SLC39A8: variants seen among roughly 807,000 people sequenced by gnomAD.
SLC39A8 encodes the protein metal cation symporter ZIP8.
Under a neutral mutation model 40.4 loss-of-function variants are expected in SLC39A8, and 15 were observed. That is an observed-to-expected ratio of 0.37 (90% confidence interval 0.25 to 0.57). SLC39A8 has a LOEUF of 0.57. Among genes scored for constraint, SLC39A8 ranks in the 20% least tolerant of loss-of-function variants. The probability of loss-of-function intolerance (pLI) is 0.75; values close to 1 mark genes in which losing one functional copy is unlikely to be tolerated. For missense variants in SLC39A8, 472 were observed against 558.8 expected (o/e 0.84, Z 1.57); for synonymous variants, 223 against 221.6 (o/e 1.01, Z -0.06).
At chr4:102,324,093 A>C (rs1370674604) in intron 2 of SLC39A8, among the ~76,000 whole-genome samples, 2 of 152,170 alleles carry the variant, frequency 1.3e-5, no homozygotes, top group Non-Finnish European at 2.9e-5. Context: ...TTGTACTTAC[A>C]TTTATACAAA....
At chr4:102,260,333 A>G (rs751823660), downstream of SLC39A8, among the ~76,000 whole-genome samples, 1 of 152,220 alleles carries the variant, frequency 6.6e-6, no homozygotes, top group East Asian at 1.9e-4. Flanking sequence ...GCTAAAAGCA[A>G]TGTTTCTCAG....
intron 3 of SLC39A8, among the ~76,000 whole-genome samples, chr4:102,312,488 T>C (rs1039981071): frequency 2.6e-5 from 4 of 152,270 alleles, no homozygotes; most frequent in South Asian, 4.1e-4. Context: ...TCCTGGTTCC[T>C]GAAACAGAGT....
intron 6 of SLC39A8, among the ~76,000 whole-genome samples, chr4:102,291,101 T>G (rs1578580547): frequency 6.6e-6 from 1 of 151,886 alleles, no homozygotes; most frequent in East Asian, 1.9e-4. Context: ...ACTGAACTGC[T>G]CTTCTCCCTC....
chr4:102,317,676 C>T (rs928288498), intron 2 of SLC39A8, among the ~76,000 whole-genome samples: 9 of 152,126 alleles, frequency 5.9e-5, no homozygotes, highest in African/African-American at 2.2e-4. Flanking sequence ...GGTGTGATAG[C>T]ACATGATAGC....
At chr4:102,295,680 C>A (rs1416058382) in intron 6 of SLC39A8, among the ~76,000 whole-genome samples, 1 of 151,996 alleles carries the variant, frequency 6.6e-6, no homozygotes, top group African/African-American at 2.4e-5. Flanking sequence ...CAGGCATGAG[C>A]CAACAGTGCC....
chr4:102,282,229 A>T (rs1283136407), intron 6 of SLC39A8, among the ~76,000 whole-genome samples: 1 of 152,210 alleles, frequency 6.6e-6, no homozygotes. Flanking sequence ...CCCAGAATGT[A>T]GTAGCACTGT....
chr4:102,277,310 T>C (rs928197512), intron 6 of SLC39A8, among the ~76,000 whole-genome samples: 1 of 152,188 alleles, frequency 6.6e-6, no homozygotes, highest in African/African-American at 2.4e-5. Context: ...ATAAAATCAA[T>C]GTGCTAAAAT....
chr4:102,311,704 A>AT (rs904405871), intron 3 of SLC39A8, among the ~76,000 whole-genome samples: 6 of 152,120 alleles, frequency 3.9e-5, no homozygotes, highest in Non-Finnish European at 5.9e-5. Flanking sequence ...CATCAATATC[A>AT]TTTTATAAAG....
chr4:102,324,062 A>G (rs1326986240), intron 2 of SLC39A8, among the ~76,000 whole-genome samples: 1 of 152,162 alleles, frequency 6.6e-6, no homozygotes, highest in Admixed American at 6.5e-5. Flanking sequence ...TACCCAATAT[A>G]TTCATGTAAC....
intron 2 of SLC39A8, among the ~76,000 whole-genome samples, chr4:102,336,983 C>T (rs2149054966): frequency 6.6e-6 from 1 of 152,096 alleles, no homozygotes; most frequent in South Asian, 2.1e-4. Flanking sequence ...AAATAAATTG[C>T]ATTGTAAATG....
chr4:102,287,369 A>C (rs1229746551), intron 6 of SLC39A8, among the ~76,000 whole-genome samples: 1 of 152,140 alleles, frequency 6.6e-6, no homozygotes, highest in African/African-American at 2.4e-5. Context: ...AAAATGACAA[A>C]TGTTTAAAAA....
At chr4:102,332,901 C>A (rs2149052365) in intron 2 of SLC39A8, among the ~76,000 whole-genome samples, 1 of 152,278 alleles carries the variant, frequency 6.6e-6, no homozygotes, top group African/African-American at 2.4e-5. Flanking sequence ...TCATCCTCAG[C>A]AAACTAACAC....
intron 2 of SLC39A8, among the ~76,000 whole-genome samples, chr4:102,326,386 C>T (rs1420585891): frequency 5.3e-5 from 8 of 152,202 alleles, no homozygotes; most frequent in African/African-American, 1.9e-4. Context: ...ACGGTGAAAC[C>T]CCGTCTCTAC....
chr4:102,326,473 A>G (rs1735207844), intron 2 of SLC39A8, among the ~76,000 whole-genome samples: 1 of 152,180 alleles, frequency 6.6e-6, no homozygotes, highest in Non-Finnish European at 1.5e-5. Context: ...AGGTCTGAGA[A>G]TGGGGTGCAC....
intron 2 of SLC39A8, 147 bp downstream of exon 2, chr4:102,344,297 G>C: frequency 1.7e-6 from 1 of 580,588 alleles, no homozygotes; most frequent in Non-Finnish European, 2.8e-6. Context: ...CTAGTGAAAA[G>C]CAAGTGTCAC....
chr4:102,324,887 A>G (rs894018908), intron 2 of SLC39A8, among the ~76,000 whole-genome samples: 4 of 152,142 alleles, frequency 2.6e-5, no homozygotes, highest in Non-Finnish European at 5.9e-5. Context: ...CCATTAATTT[A>G]TCCTTTTAGG....
Position 102,315,663 on chromosome 4 carries a change from T to C in SLC39A8, c.382+5A>G. ...AATAAAAGAGAAAAAATGCTTCTAA[T>C]ATACCTTCTGAATGACTTGGTCTTG... On this transcript the variant is annotated splice_donor_5th_base_variant and intron_variant, in intron 3 of 8. Transcript: ENST00000356736. 1 of 1,599,506 alleles carries C rather than the reference T, an allele frequency of 6.3e-7. No individual in the cohort carries two copies. Among genetic ancestry groups the C allele is most frequent in the Non-Finnish European group, 8.5e-7 (1 of 1,173,954 alleles).
chr4:102,285,571 C>G (rs574489167), intron 6 of SLC39A8, among the ~76,000 whole-genome samples: 3 of 151,404 alleles, frequency 2.0e-5, no homozygotes, highest in African/African-American at 4.9e-5. Context: ...GGAAATTTAC[C>G]TCAGACACAA....
intron 3 of SLC39A8, among the ~76,000 whole-genome samples, chr4:102,314,536 CT>C (rs1297909363): frequency 6.6e-6 from 1 of 152,112 alleles, no homozygotes; most frequent in African/African-American, 2.4e-5. Flanking sequence ...ATCCTTCTAC[CT>C]TCCCCACCAA....
Sources: gnomAD v4.1 joint callset for allele counts (sites outside exome capture counted in the v4.1 genomes callset) on GRCh38, gnomAD v4.1.1 for gene constraint, MANE v1.5 for transcripts, NCBI Gene and HGNC (gene_info 2026-07-23, HGNC 2026-07-21) for gene names.